The following AGO2 variants were observed in gnomAD, a reference collection of about 807,000 sequenced individuals.
The protein encoded by AGO2 is protein argonaute-2.
Under a neutral mutation model 102.3 loss-of-function variants are expected in AGO2, and 5 were observed. The ratio of observed to expected loss-of-function variants is 0.05; its 90% CI spans 0.03 to 0.10. The LOEUF (loss-of-function observed/expected upper bound fraction) is 0.10, where lower values mean the gene tolerates loss of function less well. Among genes scored for constraint, AGO2 ranks in the 10% least tolerant of loss-of-function variants. The pLI is 1.00. For missense variants in AGO2, 541 were observed against 1,183.7 expected, an observed-to-expected ratio of 0.46 and a Z score of 7.97; for synonymous variants, 449 against 473.1, an observed-to-expected ratio of 0.95 and a Z score of 0.66.
chr8:140,573,041 C>G, intron 2 of AGO2, 109 bp from the exon 3 acceptor site: 2 of 1,336,044 alleles, frequency 1.5e-6, no homozygotes, highest in Non-Finnish European at 2.0e-6. Flanking sequence ...TGGAGTCTTG[C>G]TCTTGTGGCC....
At chr8:140,543,270 C>A (rs1021128787) in intron 14 of AGO2, among the ~76,000 whole-genome samples, 1 of 152,234 alleles carries the variant, frequency 6.6e-6, no homozygotes. Context: ...TTGTGATTAT[C>A]GGGCCAAGTG....
intron 1 of AGO2, among the ~76,000 whole-genome samples, chr8:140,629,912 C>CGAGGG (rs2074321497): frequency 2.1e-5 from 1 of 46,800 alleles, no homozygotes; most frequent in Non-Finnish European, 4.1e-5. Flanking sequence ...GGAGCGGAGG[C>CGAGGG]GAGGGGAGGG....
chr8:140,601,302 C>T (rs2073930188), intron 1 of AGO2, among the ~76,000 whole-genome samples: 1 of 152,242 alleles, frequency 6.6e-6, no homozygotes, highest in East Asian at 1.9e-4. Context: ...TTCAATGTCA[C>T]CTCCTTAGAG....
intron 1 of AGO2, among the ~76,000 whole-genome samples, chr8:140,615,925 A>G (rs2074137152): frequency 6.6e-6 from 1 of 152,244 alleles, no homozygotes; most frequent in Admixed American, 6.5e-5. Flanking sequence ...AAAAGAACAA[A>G]AGATATCTGT....
intron 1 of AGO2, among the ~76,000 whole-genome samples, chr8:140,588,379 G>A (rs1248633929): frequency 6.6e-6 from 1 of 151,726 alleles, no homozygotes; most frequent in Non-Finnish European, 1.5e-5. Flanking sequence ...GCATACAAAA[G>A]TTGTTTGCAC....
chr8:140,606,210 A>G (rs565353508), intron 1 of AGO2, among the ~76,000 whole-genome samples: 199 of 152,340 alleles, frequency 1.3e-3, no homozygotes, highest in African/African-American at 4.7e-3. Flanking sequence ...GAAGAAACCA[A>G]GTAGGTTCTG....
Position 140,562,497 on chromosome 8 carries a change from C to A in AGO2, c.474G>T (p.Thr158=), listed in dbSNP as rs758897861. The change falls in exon 4 of 19, where the codon ACG becomes ACT. Residue 158 remains threonine (T), a synonymous_variant. Coordinates refer to ENST00000220592, the MANE Select transcript of AGO2 (RefSeq NM_012154.5). Reference sequence around the variant, plus strand: ...TCATGACCACGTCCAGGGCCTGGATCGTCTCAAAAGGGACGCTGGGCAGCC... The same window carrying A: ...TCATGACCACGTCCAGGGCCTGGATAGTCTCAAAAGGGACGCTGGGCAGCC... ...SGRLPSVPFE[T]IQALDVVMRH... 6.2e-7 allele frequency: 1 copy of A among 1,613,788 alleles called. No homozygotes were observed. The highest frequency in any genetic ancestry group is 2.2e-5 in the East Asian group (1 of 44,878).
intron 1 of AGO2, among the ~76,000 whole-genome samples, chr8:140,633,217 T>C (rs1484277221): frequency 6.6e-6 from 1 of 152,172 alleles, no homozygotes; most frequent in Non-Finnish European, 1.5e-5. Context: ...TAATTCTAAA[T>C]TAGAAAGTAT....
At position 140,633,273 on chromosome 8, in the gene AGO2, T is replaced by C. The variant is rs527650047; in HGVS notation, c.22+2212A>G. ...TGAAGACTATTCCAAAAATTCCTTT[T>C]ACACAAAATTAAAAGCCTTAATGTG... On this transcript the variant is annotated intron_variant, in intron 1 of 18. Coordinates refer to ENST00000220592, the MANE Select transcript of AGO2 (RefSeq NM_012154.5). 2.0e-5 allele frequency among the ~76,000 whole-genome samples: 3 copies of C among 152,360 alleles called. No homozygotes were observed. In the East Asian group the frequency reaches 5.8e-4, roughly 29 times the overall value.
At chr8:140,564,126 T>C (rs1418463347) in intron 3 of AGO2, among the ~76,000 whole-genome samples, 1 of 152,172 alleles carries the variant, frequency 6.6e-6, no homozygotes, top group African/African-American at 2.4e-5. Context: ...TCCAGCCGGA[T>C]AGACTTCAAA....
intron 3 of AGO2, 166 bp downstream of exon 3, chr8:140,572,646 G>T (rs2073397465): frequency 1.7e-5 from 16 of 950,410 alleles, no homozygotes; most frequent in Non-Finnish European, 1.8e-5. Flanking sequence ...ACAACACAGA[G>T]AAGGTAGTTT....
upstream of AGO2, among the ~76,000 whole-genome samples, chr8:140,635,947 C>A (rs949467891): frequency 6.7e-6 from 1 of 149,968 alleles, no homozygotes; most frequent in Non-Finnish European, 1.5e-5. Flanking sequence ...GGCGCGGCCC[C>A]GGGGACCCTT....
In AGO2 at chr8:140,522,413, A is replaced by G. The variant is rs184745208; in HGVS notation, c.*9631T>C. ...ACAAAAATCCATTTAAATCATATGC[A>G]GAAGCGATGACAGGTGGTACTACCT... On this transcript the variant is annotated 3_prime_UTR_variant, in exon 19 of 19. Transcript: ENST00000220592. 3 of 152,216 alleles carry G rather than the reference A, an allele frequency of 2.0e-5. No individual in the cohort carries two copies. In the East Asian group the frequency reaches 5.8e-4, roughly 29 times the overall value. The allele number at this position is 152,216 out of a possible 1,614,324, so 9.4% of individuals were successfully genotyped here. A position where few individuals can be genotyped will look rare whatever the true frequency, so the allele number is the denominator to read the frequency against.
upstream of AGO2, among the ~76,000 whole-genome samples, chr8:140,639,129 A>G (rs1306949365): frequency 6.6e-6 from 1 of 152,116 alleles, no homozygotes; most frequent in African/African-American, 2.4e-5. Context: ...TCAGCCCCCA[A>G]AGTGCTGGGA....
chr8:140,558,452 A>ACT (rs2073138312), intron 7 of AGO2, 33 bp downstream of exon 7: 2 of 1,612,980 alleles, frequency 1.2e-6, no homozygotes, highest in Non-Finnish European at 1.7e-6. Context: ...TGGGGGCCCC[A>ACT]GCCAAGAGAG....
rs2073408962 is a variant in AGO2, at chr8:140,573,047, T to G, written c.216-115A>C. On this transcript the variant is annotated intron_variant, in intron 2 of 18. Transcript: ENST00000220592. ...TTTTTGAGATGGAGTCTTGCTCTTG[T>G]GGCCCAGGCTGGAGTGCAATGGCGT... 5 of 1,295,350 alleles carry G rather than the reference T, an allele frequency of 3.9e-6. No individual in the cohort carries two copies. The South Asian group carries it at 7.5e-5, about 19-fold the overall frequency. The allele number at this position is 1,295,350 out of a possible 1,614,324, so 80.2% of individuals were successfully genotyped here. A position where few individuals can be genotyped will look rare whatever the true frequency, so the allele number is the denominator to read the frequency against.
chr8:140,550,307 C>T (rs2072973825), intron 11 of AGO2, among the ~76,000 whole-genome samples: 1 of 152,250 alleles, frequency 6.6e-6, no homozygotes, highest in Non-Finnish European at 1.5e-5. Context: ...TTCTCCCCTG[C>T]TGCCCCCACA....
intron 3 of AGO2, among the ~76,000 whole-genome samples, chr8:140,564,293 T>C (rs1258181573): frequency 2.2e-5 from 1 of 45,078 alleles, no homozygotes; most frequent in Non-Finnish European, 4.3e-5. Flanking sequence ...GCGGAGGGGG[T>C]GGCGGTGGGG....
intron 13 of AGO2, among the ~76,000 whole-genome samples, chr8:140,545,447 C>T (rs2072882653): frequency 6.6e-6 from 1 of 152,182 alleles, no homozygotes; most frequent in Admixed American, 6.5e-5. Context: ...CCTCCCTCTC[C>T]AGGCCTTGAA....
Sources: gnomAD v4.1 joint callset for allele counts (sites outside exome capture counted in the v4.1 genomes callset) on GRCh38, gnomAD v4.1.1 for gene constraint, MANE v1.5 for transcripts, NCBI Gene and HGNC (gene_info 2026-07-23, HGNC 2026-07-21) for gene names.